Variants in CRB1 observed in about 807,000 individuals in gnomAD.
The protein encoded by CRB1 is protein crumbs homolog 1.
In CRB1, 83 loss-of-function variants were observed where a neutral mutation model predicts 120.0. The ratio of observed to expected loss-of-function variants is 0.69; its 90% CI spans 0.58 to 0.83. The LOEUF (loss-of-function observed/expected upper bound fraction) is 0.83. Among genes scored for constraint, CRB1 ranks in the 40% least tolerant of loss-of-function variants. The probability of loss-of-function intolerance (pLI) is 0.00; values close to 1 mark genes in which losing one functional copy is unlikely to be tolerated. For missense variants in CRB1, 1,699 were observed against 1,687.6 expected (o/e 1.01, Z -0.12); for synonymous variants, 625 against 612.5 (o/e 1.02, Z -0.30).
intron 11 of CRB1, among the ~76,000 whole-genome samples, chr1:197,463,783 C>T (rs1047913861): frequency 1.1e-4 from 17 of 152,214 alleles, no homozygotes; most frequent in Non-Finnish European, 2.2e-4. Context: ...CCCTATGTTC[C>T]ACCTTTTAGT....
chr1:197,217,123 T>C, the CRB1 span, among the ~76,000 whole-genome samples: 14 of 152,082 alleles, frequency 9.2e-5, no homozygotes, highest in Non-Finnish European at 2.9e-5. Context: ...AATAAACGCA[T>C]GAAAAGATGC....
chr1:197,429,002 C>A (rs540816258), intron 7 of CRB1: 2 of 1,526,486 alleles, frequency 1.3e-6, no homozygotes, highest in African/African-American at 2.7e-5. Flanking sequence ...AGGGCACTCA[C>A]TGAGTTGGGA....
At chr1:197,243,170 A>G in the CRB1 span, among the ~76,000 whole-genome samples, 2 of 151,866 alleles carry the variant, frequency 1.3e-5, no homozygotes, top group African/African-American at 2.4e-5. Context: ...TCATGTCTCT[A>G]TCACCTTCAG....
At chr1:197,349,692 A>C (rs1168073073) in intron 4 of CRB1, among the ~76,000 whole-genome samples, 1 of 152,256 alleles carries the variant, frequency 6.6e-6, no homozygotes, top group Admixed American at 6.5e-5. Flanking sequence ...ATAAATGAAA[A>C]TATAAAATGA....
chr1:197,378,888 C>T (rs1661789314), intron 5 of CRB1, among the ~76,000 whole-genome samples: 2 of 152,154 alleles, frequency 1.3e-5, no homozygotes, highest in African/African-American at 4.8e-5. Context: ...AGAACATGCT[C>T]ATGTATCTAG....
intron 2 of CRB1, among the ~76,000 whole-genome samples, chr1:197,331,094 C>T (rs1453706362): frequency 6.6e-6 from 1 of 151,768 alleles, no homozygotes; most frequent in African/African-American, 2.4e-5. Flanking sequence ...GGAGGCAGAG[C>T]TTGCAGTGAG....
chr1:197,453,859 ATATTAATAT>A (rs199513341), intron 11 of CRB1, among the ~76,000 whole-genome samples: 1,620 of 142,070 alleles, frequency 0.011, 16 homozygotes, highest in East Asian at 0.057. Context: ...TTATTAATAT[ATATTAATAT>A]TATTAATAAT....
At chr1:197,250,190 TTAAA>T in the CRB1 span, among the ~76,000 whole-genome samples, 3 of 152,064 alleles carry the variant, frequency 2.0e-5, no homozygotes, top group African/African-American at 7.2e-5. Context: ...TATTTTTCAT[TTAAA>T]TTATTAATCT....
intron 11 of CRB1, among the ~76,000 whole-genome samples, chr1:197,469,856 C>A (rs990211587): frequency 1.3e-5 from 2 of 151,998 alleles, no homozygotes; most frequent in Non-Finnish European, 2.9e-5. Context: ...ATACGAGGGG[C>A]AGGAAAAGGT....
At chr1:197,392,274 C>A (rs1662545732) in intron 5 of CRB1, among the ~76,000 whole-genome samples, 2 of 151,972 alleles carry the variant, frequency 1.3e-5, no homozygotes, top group African/African-American at 4.8e-5. Flanking sequence ...TACACACACA[C>A]ACATATATAT....
At chr1:197,219,342 A>G in the CRB1 span, among the ~76,000 whole-genome samples, 1 of 152,236 alleles carries the variant, frequency 6.6e-6, no homozygotes, top group African/African-American at 2.4e-5. Flanking sequence ...GAAATAGATA[A>G]TCCACCACTT....
At chr1:197,316,519 A>G (rs1170433167) in intron 1 of CRB1, among the ~76,000 whole-genome samples, 2 of 152,326 alleles carry the variant, frequency 1.3e-5, no homozygotes, top group East Asian at 3.9e-4. Context: ...TATAAGAACC[A>G]AAGCACCATA....
rs78794169 is a variant in CRB1, at chr1:197,403,426, G to A, written c.1172-17574G>A. Among the ~76,000 whole-genome samples, 202 of 152,264 alleles carry A rather than the reference G, an allele frequency of 1.3e-3. 2 individuals carry two copies. Among genetic ancestry groups the A allele is most frequent in the African/African-American group, 4.2e-3 (176 of 41,536 alleles). On this transcript the variant is annotated intron_variant, in intron 5 of 11. Coordinates refer to ENST00000367400, the MANE Select transcript of CRB1 (RefSeq NM_201253.3). The stretch of plus-strand genomic sequence containing the variant: ...AGTAAAGGTTTGCTGATGGCTTCTC[G>A]GGAAGTTCTCATTTGTTCTTTAGGT...
At chr1:197,417,910 C>T (rs139039969) in intron 5 of CRB1, among the ~76,000 whole-genome samples, 104 of 151,972 alleles carry the variant, frequency 6.8e-4, no homozygotes, top group African/African-American at 2.3e-3. Flanking sequence ...CAGACAAAGA[C>T]GATTTTATTC....
upstream of CRB1, among the ~76,000 whole-genome samples, chr1:197,263,627 C>T (rs1558016425): frequency 6.6e-6 from 1 of 151,980 alleles, no homozygotes; most frequent in Non-Finnish European, 1.5e-5. Flanking sequence ...TTGGAGAAAT[C>T]ATATTTTTTC....
intron 11 of CRB1, among the ~76,000 whole-genome samples, chr1:197,462,320 G>A (rs1283589511): frequency 1.3e-5 from 2 of 152,066 alleles, no homozygotes; most frequent in African/African-American, 4.8e-5. Flanking sequence ...TGGAATATGT[G>A]TGTATGTTTT....
intron 5 of CRB1, among the ~76,000 whole-genome samples, chr1:197,359,734 A>G (rs1660678712): frequency 6.6e-6 from 1 of 152,048 alleles, no homozygotes; most frequent in Non-Finnish European, 1.5e-5. Flanking sequence ...GAGTGATCCA[A>G]TTTCTTTGCA....
intron 1 of CRB1, among the ~76,000 whole-genome samples, chr1:197,315,145 A>G (rs1457555224): frequency 6.6e-6 from 1 of 152,204 alleles, no homozygotes; most frequent in Non-Finnish European, 1.5e-5. Context: ...ATAGTTCTGC[A>G]CTAACAGTGC....
At chr1:197,222,408 G>T in the CRB1 span, 1 of 767,736 alleles carries the variant, frequency 1.3e-6, no homozygotes, top group Non-Finnish European at 2.4e-6. Flanking sequence ...TGCAGTAGGT[G>T]ACCTATTTCA....
Sources: gnomAD v4.1 joint callset for allele counts (sites outside exome capture counted in the v4.1 genomes callset) on GRCh38, gnomAD v4.1.1 for gene constraint, MANE v1.5 for transcripts, NCBI Gene and HGNC (gene_info 2026-07-23, HGNC 2026-07-21) for gene names.